Variants in SBK1 observed in about 807,000 individuals in gnomAD.
SBK1 encodes the protein SH3 domain binding kinase 1, also known as serine/threonine-protein kinase SBK1.
SBK1 carries 11 observed loss-of-function variants against 24.4 expected under a neutral mutation model. The observed-to-expected ratio is 0.45, with a 90% CI of 0.28 to 0.75. SBK1 has a LOEUF of 0.75. SBK1 is among the 30% of genes least tolerant of loss of function. SBK1 has a pLI of 0.12. For missense variants in SBK1, 467 were observed against 620.5 expected, an observed-to-expected ratio of 0.75 and a Z score of 2.63; for synonymous variants, 308 against 284.4, an observed-to-expected ratio of 1.08 and a Z score of -0.83.
intron 1 of SBK1, among the ~76,000 whole-genome samples, chr16:28,262,777 T>C (rs528609573): frequency 6.6e-6 from 1 of 152,204 alleles, no homozygotes; most frequent in Non-Finnish European, 1.5e-5. Flanking sequence ...GGTGTTTTGA[T>C]GTATTAATTA....
At chr16:28,315,289 G>C (rs536844505) in intron 1 of SBK1, among the ~76,000 whole-genome samples, 7 of 152,184 alleles carry the variant, frequency 4.6e-5, no homozygotes, top group Admixed American at 4.6e-4. Context: ...GGATGTGTTC[G>C]TGGTCTCGAC....
At chr16:28,301,456 C>T (rs1411916206) in intron 1 of SBK1, among the ~76,000 whole-genome samples, 1 of 152,216 alleles carries the variant, frequency 6.6e-6, no homozygotes, top group African/African-American at 2.4e-5. Flanking sequence ...AATAGGAGTT[C>T]ACAGCCCCGG....
chr16:28,270,991 G>A (rs894512290), intron 1 of SBK1, among the ~76,000 whole-genome samples: 2 of 151,912 alleles, frequency 1.3e-5, no homozygotes, highest in African/African-American at 2.4e-5. Flanking sequence ...AGCCTCCCGA[G>A]TAGCTGGGAC....
chr16:28,271,365 T>A (rs1409924763), intron 1 of SBK1, among the ~76,000 whole-genome samples: 2 of 152,100 alleles, frequency 1.3e-5, no homozygotes, highest in Non-Finnish European at 2.9e-5. Context: ...AAGACCAGCC[T>A]GGCCAACATG....
intron 1 of SBK1, among the ~76,000 whole-genome samples, chr16:28,305,447 G>T (rs1295045863): frequency 6.6e-6 from 1 of 151,418 alleles, no homozygotes; most frequent in Non-Finnish European, 1.5e-5. Context: ...CCTGACCTCA[G>T]GTGATCCGCC....
rs1310598206 is a variant in SBK1 at position 28,259,656 on chromosome 16, T to C, written c.257+154T>C. ...CTTCCTGCTTCAGATCTCAGATCTCTCACCTGGTTGTTGCCACAGCCTCCT... is the reference window on the plus strand; with the variant it reads ...CTTCCTGCTTCAGATCTCAGATCTCCCACCTGGTTGTTGCCACAGCCTCCT... On this transcript the variant is annotated intron_variant, in intron 1 of 3. Coordinates refer to the SBK1 transcript ENST00000671413. The surrounding 1 kb of genome is among the most constrained non-coding windows in gnomAD (Gnocchi z 6.0). Among the ~76,000 whole-genome samples the C allele has an allele frequency of 2.0e-5, 3 of 152,154 alleles. No individual in the cohort carries two copies. The highest frequency in any genetic ancestry group is 1.3e-4 in the Admixed American group (2 of 15,278).
Position 28,320,024 on chromosome 16 carries a change from G to A in SBK1, c.430-52G>A. On this transcript the variant is annotated intron_variant, in intron 3 of 3. Transcript: ENST00000341901. The surrounding 1 kb of genome is among the most constrained non-coding windows in gnomAD (Gnocchi z 8.5). ...GAGGGAGCTGGAGGGGAGGGCGGCGGGGCGGGCGCTGGAGAGCTGGAAACA... is the reference window on the plus strand; with the variant it reads ...GAGGGAGCTGGAGGGGAGGGCGGCGAGGCGGGCGCTGGAGAGCTGGAAACA... 1 of 1,419,212 alleles carries A rather than the reference G, an allele frequency of 7.0e-7. No homozygotes were observed. The highest frequency in any genetic ancestry group is 9.2e-7 in the Non-Finnish European group (1 of 1,091,796). 87.9% of individuals were successfully genotyped at this position (1,419,212 alleles called of 1,614,324 possible). A position where few individuals can be genotyped will look rare whatever the true frequency, so the allele number is the denominator to read the frequency against.
chr16:28,314,077 GTTAAC>G (rs1265801243), intron 1 of SBK1, among the ~76,000 whole-genome samples: 1 of 151,838 alleles, frequency 6.6e-6, no homozygotes, highest in Non-Finnish European at 1.5e-5. Flanking sequence ...CTTCACGCCT[GTTAAC>G]TTACTTAACC....
Position 28,320,276 on chromosome 16 carries a change from C to T in SBK1, c.630C>T (p.Gly210=). The T allele has an allele frequency of 6.3e-7, 1 of 1,590,186 alleles. No homozygotes were observed. Among genetic ancestry groups the T allele is most frequent in the South Asian group, 1.1e-5 (1 of 90,284 alleles). ...GCTGCCGCGTCAAGCGCGTGAGCGG[C>T]ACCATCCCTTACACGGCGCCTGAGG... ...RVGCRVKRVS[G]TIPYTAPEVC... is the part of the protein sequence containing the mutation. The change falls in exon 4 of 4, where the codon GGC becomes GGT. Residue 210 remains glycine (G), a synonymous_variant. Coordinates refer to ENST00000341901, the MANE Select transcript of SBK1 (RefSeq NM_001024401.3). The surrounding 1 kb of genome is among the most constrained non-coding windows in gnomAD (Gnocchi z 8.5).
chr16:28,294,500 C>T (rs560276818), intron 1 of SBK1, among the ~76,000 whole-genome samples: 1 of 152,184 alleles, frequency 6.6e-6, no homozygotes, highest in Non-Finnish European at 1.5e-5. Context: ...ATGGACCATG[C>T]GCTAGAGTCA....
chr16:28,319,272 A>AC lies in SBK1; in HGVS notation c.429+77dup. 2.6e-6 allele frequency: 3 copies of AC among 1,140,428 alleles called. No individual in the cohort carries two copies. The highest frequency in any genetic ancestry group is 3.9e-6 in the Non-Finnish European group (3 of 761,558). 70.6% of individuals were successfully genotyped at this position (1,140,428 alleles called of 1,614,324 possible). On this transcript the variant is annotated intron_variant, in intron 3 of 3. Coordinates refer to ENST00000341901, the MANE Select transcript of SBK1 (RefSeq NM_001024401.3). This position sits in a 1 kb window ranked among gnomAD's most constrained non-coding sequence, Gnocchi z 4.0. Reference sequence around the variant, plus strand: ...AGTGTGAGAGTGGGAGTGGAGTCAGACCATTTAATTAACAAGTATTTACTG... The same window carrying AC: ...AGTGTGAGAGTGGGAGTGGAGTCAGACCCATTTAATTAACAAGTATTTACTG...
At chr16:28,277,808 CAG>C (rs896872434) in intron 1 of SBK1, among the ~76,000 whole-genome samples, 1 of 152,172 alleles carries the variant, frequency 6.6e-6, no homozygotes, top group Non-Finnish European at 1.5e-5. Context: ...AGAACAGAGA[CAG>C]AGACAGAGCG....
intron 1 of SBK1, among the ~76,000 whole-genome samples, chr16:28,308,440 C>T (rs1293625822): frequency 1.4e-5 from 2 of 144,028 alleles, no homozygotes; most frequent in Non-Finnish European, 3.0e-5. Context: ...TGTGAGCCAC[C>T]ATGCTTGGGC....
chr16:28,264,471 G>A (rs1048895913), intron 1 of SBK1, among the ~76,000 whole-genome samples: 11 of 152,128 alleles, frequency 7.2e-5, no homozygotes, highest in African/African-American at 2.4e-4. Context: ...TTACTCAGGA[G>A]GCTGAGGCAG....
chr16:28,305,515 A>G (rs1181677118), intron 1 of SBK1, among the ~76,000 whole-genome samples: 2 of 148,856 alleles, frequency 1.3e-5, no homozygotes, highest in Admixed American at 6.7e-5. Flanking sequence ...CCTGGCCCCA[A>G]TCTGTCTCTC....
chr16:28,313,965 G>A (rs965414434), intron 1 of SBK1, among the ~76,000 whole-genome samples: 1 of 34,952 alleles, frequency 2.9e-5, no homozygotes, highest in African/African-American at 1.2e-4. Context: ...CCACCCGCCC[G>A]CCCACCCTTG....
At chr16:28,300,909 TC>T (rs948056178) in intron 1 of SBK1, among the ~76,000 whole-genome samples, 1 of 152,166 alleles carries the variant, frequency 6.6e-6, no homozygotes. Context: ...GACCGCAGGC[TC>T]CTAGGCTGGG....
At chr16:28,315,708 C>G (rs898172320) in intron 1 of SBK1, among the ~76,000 whole-genome samples, 2 of 152,226 alleles carry the variant, frequency 1.3e-5, no homozygotes. Context: ...CTGCAGTGAG[C>G]TATGATCATC....
intron 1 of SBK1, among the ~76,000 whole-genome samples, chr16:28,263,551 G>T (rs2044410177): frequency 6.6e-6 from 1 of 152,204 alleles, no homozygotes; most frequent in African/African-American, 2.4e-5. Context: ...AAATGATGGG[G>T]ACAGTGACAA....
Sources: allele counts gnomAD v4.1 joint callset (sites outside exome capture counted in the v4.1 genomes callset), GRCh38; gene constraint gnomAD v4.1.1; non-coding constraint Gnocchi (gnomAD v3.1); transcripts MANE v1.5; gene names NCBI Gene and HGNC (gene_info 2026-07-23, HGNC 2026-07-21).